Variants in NEDD4L observed in about 807,000 individuals in gnomAD.
NEDD4L encodes E3 ubiquitin-protein ligase NEDD4-like.
A neutral mutation model predicts 148.9 loss-of-function variants in NEDD4L; 54 were observed. The observed-to-expected ratio is 0.36, with a 90% CI of 0.29 to 0.45. NEDD4L has a LOEUF of 0.45. Among genes scored for constraint, NEDD4L ranks in the 20% least tolerant of loss-of-function variants. NEDD4L has a pLI of 1.00. For missense variants in NEDD4L, 856 were observed against 1,233.8 expected, an observed-to-expected ratio of 0.69 and a Z score of 4.59; for synonymous variants, 433 against 440.7, an observed-to-expected ratio of 0.98 and a Z score of 0.22.
chr18:58,242,718 C>T (rs2046791539), intron 2 of NEDD4L, among the ~76,000 whole-genome samples: 1 of 152,112 alleles, frequency 6.6e-6, no homozygotes, highest in Admixed American at 6.5e-5. Flanking sequence ...GTTGCCCAGG[C>T]TGGTCTTGAA....
intron 1 of NEDD4L, among the ~76,000 whole-genome samples, chr18:58,050,684 C>A (rs1468093614): frequency 2.0e-5 from 3 of 152,142 alleles, no homozygotes; most frequent in Non-Finnish European, 4.4e-5. Flanking sequence ...TTGCTTGAAC[C>A]TGGGAGGCAG....
chr18:58,328,958 T>C (rs775244010), intron 9 of NEDD4L, 37 bp from the exon 10 acceptor site: 1 of 1,613,266 alleles, frequency 6.2e-7, no homozygotes, highest in Admixed American at 1.7e-5. Flanking sequence ...TCTCAACCAC[T>C]TCTCTTCTTC....
chr18:58,365,469 A>G (rs1211508505), intron 20 of NEDD4L, among the ~76,000 whole-genome samples: 12 of 152,134 alleles, frequency 7.9e-5, no homozygotes, highest in Non-Finnish European at 1.8e-4. Context: ...ATGTCAGCGA[A>G]CCATGCTTTG....
intron 2 of NEDD4L, among the ~76,000 whole-genome samples, chr18:58,198,935 G>A (rs2041066245): frequency 6.6e-6 from 1 of 152,136 alleles, no homozygotes; most frequent in South Asian, 2.1e-4. Context: ...CTCCCAAGTA[G>A]CTGGGATTAC....
At chr18:58,054,597 CA>C (rs1190600786) in intron 1 of NEDD4L, 3 of 170,188 alleles carry the variant, frequency 1.8e-5, no homozygotes, top group South Asian at 1.4e-4. Context: ...GACCTCATTT[CA>C]AAAGAAAAAG....
chr18:58,141,879 C>G (rs1224741970), intron 1 of NEDD4L, among the ~76,000 whole-genome samples: 1 of 152,054 alleles, frequency 6.6e-6, no homozygotes, highest in Non-Finnish European at 1.5e-5. Context: ...TTCCCAGCTA[C>G]TGTCTGACGA....
chr18:58,085,354 A>G (rs1361399779), intron 1 of NEDD4L, among the ~76,000 whole-genome samples: 2 of 152,084 alleles, frequency 1.3e-5, no homozygotes, highest in Non-Finnish European at 2.9e-5. Context: ...AGCAGTGTGG[A>G]CTTGGTCCTC....
intron 1 of NEDD4L, among the ~76,000 whole-genome samples, chr18:58,058,426 T>G (rs1009784629): frequency 6.6e-6 from 1 of 152,200 alleles, no homozygotes; most frequent in African/African-American, 2.4e-5. Flanking sequence ...GCCATGGAAC[T>G]CTTTCATCTT....
chr18:58,323,673 A>T (rs1416749348), intron 8 of NEDD4L, among the ~76,000 whole-genome samples: 1 of 152,158 alleles, frequency 6.6e-6, no homozygotes, highest in Admixed American at 6.5e-5. Flanking sequence ...CTTTTTAGCC[A>T]TTGAGGTCGC....
chr18:58,307,594 C>T (rs184809082), intron 5 of NEDD4L, among the ~76,000 whole-genome samples: 1 of 152,288 alleles, frequency 6.6e-6, no homozygotes, highest in Non-Finnish European at 1.5e-5. Flanking sequence ...TAAAACCACA[C>T]GGCACTTCCA....
chr18:58,337,443 C>T, intron 13 of NEDD4L, among the ~76,000 whole-genome samples: 1 of 152,210 alleles, frequency 6.6e-6, no homozygotes, highest in East Asian at 1.9e-4. Context: ...CTCTGTTCCT[C>T]TGCACATCAC....
chr18:58,197,124 C>T (rs977011770), intron 2 of NEDD4L, among the ~76,000 whole-genome samples: 6 of 152,102 alleles, frequency 3.9e-5, no homozygotes, highest in African/African-American at 1.4e-4. Flanking sequence ...GTGGGAGGAA[C>T]AGCAAAGTGG....
chr18:58,304,871 T>A (rs996573201), intron 5 of NEDD4L, among the ~76,000 whole-genome samples: 1 of 152,242 alleles, frequency 6.6e-6, no homozygotes, highest in Non-Finnish European at 1.5e-5. Context: ...AAAGATCACA[T>A]TCTCTGGTTC....
intron 1 of NEDD4L, among the ~76,000 whole-genome samples, chr18:58,132,645 T>C (rs530199729): frequency 3.9e-5 from 6 of 152,192 alleles, no homozygotes; most frequent in East Asian, 1.9e-4. Flanking sequence ...AGTTAATGAA[T>C]GTATGATGCT....
At chr18:58,099,843 T>C (rs2145467117) in intron 1 of NEDD4L, among the ~76,000 whole-genome samples, 1 of 152,166 alleles carries the variant, frequency 6.6e-6, no homozygotes, top group East Asian at 1.9e-4. Flanking sequence ...ACAGACACAA[T>C]ATAGGAAAAC....
intron 30 of NEDD4L, among the ~76,000 whole-genome samples, chr18:58,394,995 C>T (rs542208035): frequency 1.2e-4 from 19 of 152,306 alleles, no homozygotes; most frequent in African/African-American, 4.3e-4. Flanking sequence ...CAGGGCTGTA[C>T]CTGGCCCCGT....
At chr18:58,170,383 C>T (rs113309607) in intron 2 of NEDD4L, among the ~76,000 whole-genome samples, 1 of 25,644 alleles carries the variant, frequency 3.9e-5, no homozygotes. Flanking sequence ...CCCGCCTCAT[C>T]ACCCCAGCCC....
intron 22 of NEDD4L, among the ~76,000 whole-genome samples, chr18:58,369,595 G>T (rs1053095925): frequency 6.6e-6 from 1 of 152,208 alleles, no homozygotes; most frequent in Non-Finnish European, 1.5e-5. Context: ...GGGCCACGCT[G>T]AGCCGGGGAG....
intron 5 of NEDD4L, among the ~76,000 whole-genome samples, chr18:58,296,437 C>T (rs1283468552): frequency 6.6e-6 from 1 of 152,298 alleles, no homozygotes; most frequent in South Asian, 2.1e-4. Context: ...TTTTGGAGGC[C>T]GCTTCAAAGT....
Sources: gnomAD v4.1 joint callset for allele counts (sites outside exome capture counted in the v4.1 genomes callset) on GRCh38, gnomAD v4.1.1 for gene constraint, MANE v1.5 for transcripts, NCBI Gene and HGNC (gene_info 2026-07-23, HGNC 2026-07-21) for gene names.